DPH6: variants seen among roughly 807,000 people sequenced by gnomAD.
DPH6 encodes diphthamine biosynthesis 6, also known as diphthine--ammonia ligase.
Under a neutral mutation model 38.2 loss-of-function variants are expected in DPH6, and 33 were observed. That is an observed-to-expected ratio of 0.86 (90% confidence interval 0.65 to 1.15). DPH6 has a LOEUF of 1.15. DPH6 is among the 50% of genes most tolerant of loss of function. The probability of loss-of-function intolerance (pLI) is 0.00; values close to 1 mark genes in which losing one functional copy is unlikely to be tolerated. For missense variants in DPH6, 325 were observed against 320.0 expected (o/e 1.02, Z -0.12); for synonymous variants, 108 against 103.0 (o/e 1.05, Z -0.30).
Position 35,294,785 on chromosome 15 carries a change from T to G in DPH6, n.201-74203A>C, listed in dbSNP as rs531146258. Among the ~76,000 whole-genome samples the G allele has an allele frequency of 5.3e-5, 8 of 152,124 alleles. No homozygotes were observed. In the East Asian group the frequency reaches 7.7e-4, roughly 15 times the overall value. On this transcript the variant is annotated intron_variant and non_coding_transcript_variant, in intron 3 of 3. Coordinates refer to the DPH6 transcript ENST00000560386. ...TGTGACATATGAGATAAAGGTGAGG[T>G]GCAAAGAGCTATAAGAACTGGATCA...
chr15:35,195,542 G>A, the DPH6 span, among the ~76,000 whole-genome samples: 1 of 152,152 alleles, frequency 6.6e-6, no homozygotes, highest in Non-Finnish European at 1.5e-5. Flanking sequence ...AGGTTAAAAT[G>A]CCGATTTACC....
At chr15:35,397,989 C>T (rs959010557) in intron 6 of DPH6, among the ~76,000 whole-genome samples, 4 of 151,814 alleles carry the variant, frequency 2.6e-5, no homozygotes, top group South Asian at 2.1e-4. Context: ...CTATCTCCTT[C>T]AAGACAGGAG....
At chr15:35,478,867 TATG>T (rs375196346) in intron 3 of DPH6, among the ~76,000 whole-genome samples, 1 of 152,150 alleles carries the variant, frequency 6.6e-6, no homozygotes, top group Non-Finnish European at 1.5e-5. Context: ...AAGAGCATAT[TATG>T]ATTTTCAAAG....
intron 3 of DPH6, among the ~76,000 whole-genome samples, chr15:35,470,852 T>C (rs1015665902): frequency 3.3e-5 from 5 of 152,300 alleles, no homozygotes; most frequent in Admixed American, 6.5e-5. Flanking sequence ...AAGAAAAACT[T>C]TTTAAAAACT....
intron 6 of DPH6, among the ~76,000 whole-genome samples, chr15:35,392,142 G>A (rs2053068536): frequency 6.6e-6 from 1 of 152,134 alleles, no homozygotes; most frequent in Admixed American, 6.5e-5. Context: ...ATGCCTTGGG[G>A]TTTCAGCATT....
intron 6 of DPH6, among the ~76,000 whole-genome samples, chr15:35,394,763 G>A (rs111474416): frequency 0.024 from 3,713 of 152,166 alleles, 65 homozygotes; most frequent in African/African-American, 0.052. Context: ...ACTGCTTTCA[G>A]GAATAAAACC....
chr15:35,379,682 G>C (rs946453184), intron 7 of DPH6, among the ~76,000 whole-genome samples: 2 of 152,088 alleles, frequency 1.3e-5, no homozygotes, highest in African/African-American at 2.4e-5. Flanking sequence ...TATATTAAGT[G>C]ATATCCTTTT....
At chr15:35,528,694 A>G (rs1595445736) in intron 3 of DPH6, among the ~76,000 whole-genome samples, 1 of 152,210 alleles carries the variant, frequency 6.6e-6, no homozygotes, top group African/African-American at 2.4e-5. Context: ...TTGAACAGTA[A>G]GAAATATACA....
At chr15:35,487,513 C>T (rs1020693506) in intron 3 of DPH6, among the ~76,000 whole-genome samples, 1 of 152,252 alleles carries the variant, frequency 6.6e-6, no homozygotes, top group Admixed American at 6.5e-5. Context: ...CTGAGCTGTA[C>T]CTTGGCCCCT....
chr15:35,423,855 C>A (rs570608260), intron 5 of DPH6, among the ~76,000 whole-genome samples: 3 of 151,560 alleles, frequency 2.0e-5, no homozygotes, highest in Non-Finnish European at 4.4e-5. Context: ...GTTTTGGCAC[C>A]CCTGTGGAAG....
the DPH6 span, among the ~76,000 whole-genome samples, chr15:35,193,049 A>G: frequency 8.5e-5 from 13 of 152,348 alleles, no homozygotes; most frequent in East Asian, 9.6e-4. Context: ...TAGATCAAAG[A>G]GAATGCCTCA....
intron 3 of DPH6, among the ~76,000 whole-genome samples, chr15:35,334,644 GA>G (rs2052353813): frequency 6.6e-6 from 1 of 151,672 alleles, no homozygotes; most frequent in African/African-American, 2.4e-5. Context: ...TTACAAATAA[GA>G]ACATGCAGTG....
At chr15:35,455,343 G>T (rs1430935306) in intron 3 of DPH6, among the ~76,000 whole-genome samples, 2 of 152,132 alleles carry the variant, frequency 1.3e-5, no homozygotes, top group African/African-American at 4.8e-5. Flanking sequence ...TGTAGATAAA[G>T]AATTCTGTCA....
rs2052715574 is a variant in DPH6, at chr15:35,371,794, T to C, written c.*356A>G. On this transcript the variant is annotated 3_prime_UTR_variant, in exon 9 of 9. Coordinates refer to ENST00000256538, the MANE Select transcript of DPH6 (RefSeq NM_080650.4). The stretch of plus-strand genomic sequence containing the variant: ...AAATGCCTCTGCATCATGACATTAT[T>C]GGTAGGGATTGGAGCAAGAAAGAGA... 3 of 1,001,712 alleles carry C rather than the reference T, an allele frequency of 3.0e-6. No individual in the cohort carries two copies. Among genetic ancestry groups the C allele is most frequent in the Non-Finnish European group, 2.4e-6 (2 of 841,496 alleles). 62.1% of individuals were successfully genotyped at this position (1,001,712 alleles called of 1,614,324 possible).
At chr15:35,332,467 G>T (rs1434675277) in intron 3 of DPH6, among the ~76,000 whole-genome samples, 10 of 152,034 alleles carry the variant, frequency 6.6e-5, no homozygotes, top group Non-Finnish European at 1.2e-4. Context: ...GAACAATCTG[G>T]CTTGGATTAG....
chr15:35,376,757 A>G (rs1356895931), intron 7 of DPH6, among the ~76,000 whole-genome samples: 1 of 152,036 alleles, frequency 6.6e-6, no homozygotes, highest in Non-Finnish European at 1.5e-5. Context: ...AATATTTACC[A>G]CTGTGTTACA....
At chr15:35,308,983 C>T (rs770234495) in intron 3 of DPH6, among the ~76,000 whole-genome samples, 4 of 152,226 alleles carry the variant, frequency 2.6e-5, no homozygotes, top group African/African-American at 4.8e-5. Context: ...CAATCAGATG[C>T]TAAGCATTCC....
At chr15:35,310,123 T>C (rs371670341) in intron 3 of DPH6, among the ~76,000 whole-genome samples, 1 of 152,148 alleles carries the variant, frequency 6.6e-6, no homozygotes, top group Non-Finnish European at 1.5e-5. Flanking sequence ...AACTCATCCA[T>C]CAGCACCACT....
chr15:35,306,588 A>G (rs1206844824), intron 3 of DPH6, among the ~76,000 whole-genome samples: 1 of 152,194 alleles, frequency 6.6e-6, no homozygotes, highest in Non-Finnish European at 1.5e-5. Flanking sequence ...CTTAACACAA[A>G]TTGTACCACG....
Sources: allele counts gnomAD v4.1 joint callset (sites outside exome capture counted in the v4.1 genomes callset), GRCh38; gene constraint gnomAD v4.1.1; transcripts MANE v1.5; gene names NCBI Gene and HGNC (gene_info 2026-07-23, HGNC 2026-07-21).